Variants in SLC2A1 observed in about 807,000 individuals in gnomAD.
SLC2A1 encodes solute carrier family 2 member 1, also known as solute carrier family 2, facilitated glucose transporter member 1.
Under a neutral mutation model 46.6 loss-of-function variants are expected in SLC2A1, and 4 were observed. The ratio of observed to expected loss-of-function variants is 0.09; its 90% CI spans 0.04 to 0.20. The LOEUF is 0.20. Ranked by LOEUF, SLC2A1 falls within the 10% of genes least tolerant of loss-of-function variation. The pLI is 1.00. For missense variants in SLC2A1, 352 were observed against 667.0 expected (o/e 0.53, Z 5.20); for synonymous variants, 253 against 270.0 (o/e 0.94, Z 0.62).
At position 42,930,821 on chromosome 1, in the gene SLC2A1, G is replaced by A. The variant is rs398124230; in HGVS notation, c.321C>T (p.Ala107=). The A allele has an allele frequency of 1.2e-5, 20 of 1,600,856 alleles. No homozygotes were observed. The Admixed American group carries it at 2.2e-4, about 17-fold the overall frequency. The change falls in exon 4 of 10, where the codon GCC becomes GCT. Residue 107 remains alanine (A), a synonymous_variant. Coordinates refer to ENST00000426263, the MANE Select transcript of SLC2A1 (RefSeq NM_006516.4). This position sits in a 1 kb window ranked among gnomAD's most constrained non-coding sequence, Gnocchi z 6.2. ...CCAGTTTCGAGAAGCCCATGAGCACGGCGGACACGAAGGCCAGCAGGTTCA... is the reference window on the plus strand; with the variant it reads ...CCAGTTTCGAGAAGCCCATGAGCACAGCGGACACGAAGGCCAGCAGGTTCA... ...LMMNLLAFVS[A]VLMGFSKLGK...
chr1:42,953,518 G>A (rs887938250), intron 1 of SLC2A1, among the ~76,000 whole-genome samples: 3 of 152,208 alleles, frequency 2.0e-5, no homozygotes, highest in African/African-American at 4.8e-5. Flanking sequence ...TGGGGACGTC[G>A]GTTACCAGAC....
rs2306663 is a variant in SLC2A1, at chr1:42,928,814, C to G, written c.1074+118G>C. 0.012 allele frequency: 10,162 copies of G among 880,554 alleles called. 487 individuals are homozygous for G. The highest frequency in any genetic ancestry group is 0.12 in the African/African-American group (7,022 of 60,896). 54.5% of individuals were successfully genotyped at this position (880,554 alleles called of 1,614,324 possible). On this transcript the variant is annotated intron_variant, in intron 8 of 9. Transcript: ENST00000426263. ...AGGAGCCAGAAAGTCAGACCCACAG[C>G]CAGGGAGAATGCAGCCACCAAAAGG... is the stretch of plus-strand genomic sequence containing the variant.
At chr1:42,945,205 A>G (rs970275181) in intron 1 of SLC2A1, among the ~76,000 whole-genome samples, 2 of 152,196 alleles carry the variant, frequency 1.3e-5, no homozygotes, top group Admixed American at 6.5e-5. Context: ...TCTGGAACAC[A>G]TTAGAATAGA....
At position 42,930,873 on chromosome 1, in the gene SLC2A1, A is replaced by T. The variant is rs369273744; in HGVS notation, c.276-7T>A. On this transcript the variant is annotated splice_region_variant and splice_polypyrimidine_tract_variant and intron_variant, in intron 3 of 9. Coordinates refer to ENST00000426263, the MANE Select transcript of SLC2A1 (RefSeq NM_006516.4). This position sits in a 1 kb window ranked among gnomAD's most constrained non-coding sequence, Gnocchi z 6.2. ...CATCAGCATTGAATTCCGCCTGGGGACGGGGTCACAGGTCAGGCCAGTGCC... is the reference window on the plus strand; with the variant it reads ...CATCAGCATTGAATTCCGCCTGGGGTCGGGGTCACAGGTCAGGCCAGTGCC... 1.2e-6 allele frequency: 2 copies of T among 1,601,118 alleles called. No individual in the cohort carries two copies. The highest frequency in any genetic ancestry group is 1.7e-6 in the Non-Finnish European group (2 of 1,179,902).
At chr1:42,955,743 T>A (rs1643765252) in intron 1 of SLC2A1, among the ~76,000 whole-genome samples, 1 of 152,188 alleles carries the variant, frequency 6.6e-6, no homozygotes, top group African/African-American at 2.4e-5. Flanking sequence ...TAGTTACAAG[T>A]TCTTCACGAA....
intron 1 of SLC2A1, chr1:42,951,899 G>A: frequency 4.9e-6 from 2 of 404,722 alleles, no homozygotes; most frequent in South Asian, 2.3e-4. Flanking sequence ...CCCCACAGAT[G>A]TATGAACAGG....
Position 42,958,778 on chromosome 1 carries a change from C to A in SLC2A1, c.-127G>T, listed in dbSNP as rs546087163. The A allele has an allele frequency of 3.8e-5, 39 of 1,031,020 alleles. No individual in the cohort carries two copies. The African/African-American group carries it at 5.9e-4, about 16-fold the overall frequency. 63.9% of individuals were successfully genotyped at this position (1,031,020 alleles called of 1,614,324 possible). ...TCCCACTGCGACTCTGACTCCGACCCCCGTCGTTTGGTCTCCTGCTCCCTG... is the reference window on the plus strand; with the variant it reads ...TCCCACTGCGACTCTGACTCCGACCACCGTCGTTTGGTCTCCTGCTCCCTG... On this transcript the variant is annotated 5_prime_UTR_variant, in exon 1 of 10. Transcript: ENST00000426263.
chr1:42,931,263 T>C, intron 2 of SLC2A1, 57 bp from the exon 3 acceptor site: 10 of 1,567,700 alleles, frequency 6.4e-6, no homozygotes, highest in Non-Finnish European at 8.7e-6. Flanking sequence ...CCAGTCTTCC[T>C]TTTCCTTTCC....
rs1643438799 is a variant in SLC2A1, at chr1:42,927,438, G to A, written c.1278+167C>T. ...CTCCAGGAGCACCATTCAAGGCTAA[G>A]GGGAGAACCCTGGAGTTGAGGTCAG... On this transcript the variant is annotated intron_variant, in intron 9 of 9. Transcript: ENST00000426263. This position sits in a 1 kb window ranked among gnomAD's most constrained non-coding sequence, Gnocchi z 5.3. Among the ~76,000 whole-genome samples the A allele has an allele frequency of 6.6e-6, 1 of 152,232 alleles. No homozygotes were observed. Among genetic ancestry groups the A allele is most frequent in the African/African-American group, 2.4e-5 (1 of 41,460 alleles).
Position 42,929,656 on chromosome 1 carries a change from G to A in SLC2A1, c.804C>T (p.Tyr268=), listed in dbSNP as rs1370873840. 11 of 1,613,700 alleles carry A rather than the reference G, an allele frequency of 6.8e-6. No homozygotes were observed. The highest frequency in any genetic ancestry group is 9.3e-6 in the Non-Finnish European group (11 of 1,180,002). The change falls in exon 6 of 10, where the codon TAC becomes TAT. Residue 268 remains tyrosine (Y), a synonymous_variant. Coordinates refer to ENST00000426263, the MANE Select transcript of SLC2A1 (RefSeq NM_006516.4). This position sits in a 1 kb window ranked among gnomAD's most constrained non-coding sequence, Gnocchi z 6.0. ...CCACAGCGATGAGGATGGGCTGGCG[G>A]TAGGCGGGGGAGCGGAACAGCTCCA... ...TILELFRSPA[Y]RQPILIAVVL...
intron 2 of SLC2A1, among the ~76,000 whole-genome samples, chr1:42,939,125 T>G (rs1355190711): frequency 6.6e-6 from 1 of 152,260 alleles, no homozygotes; most frequent in Non-Finnish European, 1.5e-5. Flanking sequence ...GGAATCTCTG[T>G]GTCGCCCTAG....
chr1:42,935,382 C>T (rs138387831), intron 2 of SLC2A1, among the ~76,000 whole-genome samples: 159 of 152,308 alleles, frequency 1.0e-3, no homozygotes, highest in African/African-American at 3.5e-3. Context: ...TCCCGCCAGT[C>T]GAGGCAACTG....
At chr1:42,944,178 G>C (rs1309322141) in intron 1 of SLC2A1, among the ~76,000 whole-genome samples, 1 of 152,182 alleles carries the variant, frequency 6.6e-6, no homozygotes, top group Non-Finnish European at 1.5e-5. Context: ...ATGGGCAAAG[G>C]GATGGGAGAG....
chr1:42,948,777 A>G lies in SLC2A1; in HGVS notation c.19-5456T>C, dbSNP rs547919884. Among the ~76,000 whole-genome samples, 3 of 152,090 alleles carry G rather than the reference A, an allele frequency of 2.0e-5. 1 individual carries two copies. Among genetic ancestry groups the G allele is most frequent in the African/African-American group, 4.8e-5 (2 of 41,482 alleles). ...AACCCTGTCTCTACTAAAAATAGAA[A>G]AGTTGGAGCCGGGCACGGTGGCTCA... On this transcript the variant is annotated intron_variant, in intron 1 of 9. Transcript: ENST00000426263.
chr1:42,956,407 C>CAAAAAAAAAAAAA (rs71577684), intron 1 of SLC2A1, among the ~76,000 whole-genome samples: 8 of 44,532 alleles, frequency 1.8e-4, no homozygotes, highest in African/African-American at 8.4e-4. Flanking sequence ...ACTAAAACTA[C>CAAAAAAAAAAAAA]AAAAAAAAAA....
At chr1:42,935,083 G>A (rs1463974349) in intron 2 of SLC2A1, among the ~76,000 whole-genome samples, 1 of 152,150 alleles carries the variant, frequency 6.6e-6, no homozygotes. Context: ...GTGGCGGCAA[G>A]CGTGTTGAGG....
In SLC2A1 at chr1:42,927,296, A is replaced by AG; in HGVS notation, c.1279-56dup. The AG allele has an allele frequency of 6.5e-7, 1 of 1,538,088 alleles. No homozygotes were observed. The highest frequency in any genetic ancestry group is 9.0e-7 in the Non-Finnish European group (1 of 1,113,036). ...AGTCATGACCCTACATCCTGGCTGT[A>AG]GGACTTTGGATAAGTCACTTTACCT... On this transcript the variant is annotated intron_variant, in intron 9 of 9. Coordinates refer to ENST00000426263, the MANE Select transcript of SLC2A1 (RefSeq NM_006516.4). This position sits in a 1 kb window ranked among gnomAD's most constrained non-coding sequence, Gnocchi z 5.3.
intron 1 of SLC2A1, among the ~76,000 whole-genome samples, chr1:42,948,302 C>T (rs1021448346): frequency 6.6e-6 from 1 of 152,282 alleles, no homozygotes. Flanking sequence ...GTCAGCATTG[C>T]GCTCCAGCCC....
intron 1 of SLC2A1, chr1:42,951,667 A>T: frequency 2.5e-6 from 1 of 395,924 alleles, no homozygotes; most frequent in Non-Finnish European, 4.4e-6. Context: ...TAACTTCTGA[A>T]GCTTTTTTTT....
Sources: gnomAD v4.1 joint callset for allele counts (sites outside exome capture counted in the v4.1 genomes callset) on GRCh38, gnomAD v4.1.1 for gene constraint, Gnocchi (gnomAD v3.1) non-coding constraint, MANE v1.5 for transcripts, NCBI Gene and HGNC (gene_info 2026-07-23, HGNC 2026-07-21) for gene names.